The following PAN3 variants were observed in gnomAD, a reference collection of about 807,000 sequenced individuals.
The protein encoded by PAN3 is PAN2-PAN3 deadenylation complex subunit PAN3.
In PAN3, 19 loss-of-function variants were observed where a neutral mutation model predicts 96.2. The observed-to-expected ratio is 0.20, with a 90% CI of 0.14 to 0.29. PAN3 has a LOEUF of 0.29. Ranked by LOEUF, PAN3 falls within the 10% of genes least tolerant of loss-of-function variation. The pLI is 1.00. For synonymous variants in PAN3, 433 were observed against 406.6 expected (o/e 1.06, Z -0.78); for missense variants, 882 against 1,108.1 (o/e 0.80, Z 2.90).
Position 28,245,248 on chromosome 13 carries a change from T to C in PAN3, c.1001-11044T>C, listed in dbSNP as rs540739050. ...AATTGACATCTTTATAACAAATGAG[T>C]GTTTATTCCCCTTTGTTTAAGTAAT... On this transcript the variant is annotated intron_variant, in intron 6 of 18. Transcript: ENST00000380958. 2.6e-4 allele frequency among the ~76,000 whole-genome samples: 39 copies of C among 152,286 alleles called. No individual in the cohort carries two copies. The South Asian group carries it at 3.1e-3, about 12-fold the overall frequency.
chr13:28,255,327 T>G (rs917911481), intron 6 of PAN3, among the ~76,000 whole-genome samples: 2 of 152,190 alleles, frequency 1.3e-5, no homozygotes, highest in African/African-American at 4.8e-5. Context: ...TGATTAACGC[T>G]ACCTGGTTTT....
intron 6 of PAN3, among the ~76,000 whole-genome samples, chr13:28,252,348 T>C (rs1355729994): frequency 6.6e-6 from 1 of 152,002 alleles, no homozygotes; most frequent in East Asian, 1.9e-4. Flanking sequence ...TTGTCCTAAC[T>C]GGTTGGTTGT....
chr13:28,287,187 G>A (rs552943396), intron 17 of PAN3, among the ~76,000 whole-genome samples: 3 of 152,090 alleles, frequency 2.0e-5, no homozygotes, highest in South Asian at 2.1e-4. Flanking sequence ...TACTTCCTCT[G>A]GAAAACCTTC....
At chr13:28,231,428 T>G (rs1173608371) in intron 6 of PAN3, among the ~76,000 whole-genome samples, 1 of 152,198 alleles carries the variant, frequency 6.6e-6, no homozygotes, top group African/African-American at 2.4e-5. Flanking sequence ...TAAATTGACA[T>G]TATGTGCCTG....
In PAN3 at chr13:28,246,351, T is replaced by C. The variant is rs561073753; in HGVS notation, c.1001-9941T>C. On this transcript the variant is annotated intron_variant, in intron 6 of 18. Coordinates refer to ENST00000380958, the MANE Select transcript of PAN3 (RefSeq NM_175854.8). ...TAACTGTACATAATTTGCTGGTATG[T>C]GTGTTGTTTTGATACATGCATACAA... Among the ~76,000 whole-genome samples the C allele has an allele frequency of 1.2e-4, 18 of 152,328 alleles. No individual in the cohort carries two copies. The East Asian group carries it at 3.5e-3, about 29-fold the overall frequency.
At chr13:28,212,221 G>A (rs557996000) in intron 5 of PAN3, among the ~76,000 whole-genome samples, 11 of 152,268 alleles carry the variant, frequency 7.2e-5, no homozygotes, top group African/African-American at 2.2e-4. Context: ...TTCGTAACTC[G>A]TGAAGCACCA....
At chr13:28,223,083 G>A (rs938665076) in intron 6 of PAN3, among the ~76,000 whole-genome samples, 6 of 152,166 alleles carry the variant, frequency 3.9e-5, no homozygotes, top group Admixed American at 3.9e-4. Context: ...AAGGCATAAT[G>A]CCTGGCACAA....
intron 1 of PAN3, among the ~76,000 whole-genome samples, chr13:28,163,753 C>G (rs1368835371): frequency 2.6e-5 from 4 of 152,072 alleles, no homozygotes; most frequent in African/African-American, 4.8e-5. Flanking sequence ...GGAGAAAGTT[C>G]AATCGTTATA....
chr13:28,178,746 C>T (rs1875380122), intron 4 of PAN3, among the ~76,000 whole-genome samples: 1 of 151,992 alleles, frequency 6.6e-6, no homozygotes, highest in Non-Finnish European at 1.5e-5. Flanking sequence ...CAACATATCT[C>T]ATTAATATTA....
intron 6 of PAN3, among the ~76,000 whole-genome samples, chr13:28,221,441 A>AG (rs1246233032): frequency 2.0e-5 from 3 of 152,188 alleles, no homozygotes; most frequent in African/African-American, 7.2e-5. Flanking sequence ...TACTGTCTCC[A>AG]GGGCTTAATC....
chr13:28,216,997 C>A (rs1289757549), intron 5 of PAN3, among the ~76,000 whole-genome samples: 2 of 151,634 alleles, frequency 1.3e-5, no homozygotes, highest in Non-Finnish European at 2.9e-5. Context: ...GCCTGTAATC[C>A]CAGCTACTCT....
intron 4 of PAN3, among the ~76,000 whole-genome samples, chr13:28,196,068 C>T (rs1295728784): frequency 1.3e-5 from 2 of 149,280 alleles, no homozygotes; most frequent in African/African-American, 4.9e-5. Context: ...CAATGTTGCC[C>T]AGGCTGTTCT....
chr13:28,150,493 C>T (rs1017529462), intron 1 of PAN3, among the ~76,000 whole-genome samples: 8 of 151,712 alleles, frequency 5.3e-5, no homozygotes, highest in East Asian at 1.9e-4. Flanking sequence ...GGCGTGGTGG[C>T]GGGCGCGGTG....
rs892464754 is a variant in PAN3 at position 28,138,576 on chromosome 13, C to A, written c.-82C>A. On this transcript the variant is annotated 5_prime_UTR_variant, in exon 1 of 19. Transcript: ENST00000380958. ...CCAGGCTTTTATCCGGCACCGGCAG[C>A]GTCTTCCTTTCCTCCCCCGTCTATG... The A allele has an allele frequency of 2.2e-6, 1 of 446,442 alleles. No homozygotes were observed. The highest frequency in any genetic ancestry group is 3.9e-6 in the Non-Finnish European group (1 of 257,544). The allele number at this position is 446,442 out of a possible 1,614,324, so 27.7% of individuals were successfully genotyped here. A position where few individuals can be genotyped will look rare whatever the true frequency, so the allele number is the denominator to read the frequency against.
At chr13:28,141,855 C>T (rs1292864087) in intron 1 of PAN3, among the ~76,000 whole-genome samples, 2 of 151,954 alleles carry the variant, frequency 1.3e-5, no homozygotes, top group African/African-American at 2.4e-5. Flanking sequence ...AGGTAAGTAC[C>T]CTTAAGGTGG....
At chr13:28,188,115 G>A (rs1036769065) in intron 4 of PAN3, among the ~76,000 whole-genome samples, 4 of 152,150 alleles carry the variant, frequency 2.6e-5, no homozygotes, top group Non-Finnish European at 5.9e-5. Context: ...CTGCTTAAAC[G>A]AGTATATGAA....
rs550694385 is a variant in PAN3, at chr13:28,261,384, C to T, written c.1354-17C>T. ...GAATCTGTGTTTAAATAAAAATATA[C>T]TTATTTTGTTTCATAGGAGCTGATC... On this transcript the variant is annotated splice_polypyrimidine_tract_variant and intron_variant, in intron 8 of 18. Coordinates refer to ENST00000380958, the MANE Select transcript of PAN3 (RefSeq NM_175854.8). 3.0e-5 allele frequency: 42 copies of T among 1,396,076 alleles called. No homozygotes were observed. The Middle Eastern group carries it at 1.5e-3, about 50-fold the overall frequency. 86.5% of individuals were successfully genotyped at this position (1,396,076 alleles called of 1,614,324 possible). A position where few individuals can be genotyped will look rare whatever the true frequency, so the allele number is the denominator to read the frequency against.
chr13:28,190,487 T>C (rs1877110244), intron 4 of PAN3, among the ~76,000 whole-genome samples: 1 of 152,174 alleles, frequency 6.6e-6, no homozygotes, highest in Non-Finnish European at 1.5e-5. Context: ...CTTGAACTCC[T>C]GGCCTTAAGC....
At chr13:28,249,455 A>ATT (rs530329855) in intron 6 of PAN3, among the ~76,000 whole-genome samples, 4 of 147,880 alleles carry the variant, frequency 2.7e-5, no homozygotes, top group Non-Finnish European at 6.0e-5. Context: ...GATTTTTATT[A>ATT]TTTTTTTTTT....
Sources: gnomAD v4.1 joint callset for allele counts (sites outside exome capture counted in the v4.1 genomes callset) on GRCh38, gnomAD v4.1.1 for gene constraint, MANE v1.5 for transcripts, NCBI Gene and HGNC (gene_info 2026-07-23, HGNC 2026-07-21) for gene names.